The following CD99 variants were observed in gnomAD, a reference collection of about 807,000 sequenced individuals.
CD99 encodes the protein CD99 molecule (Xg blood group).
A neutral mutation model predicts 28.4 loss-of-function variants in CD99; 19 were observed. The ratio of observed to expected loss-of-function variants is 0.67; its 90% CI spans 0.47 to 0.98. CD99 has a LOEUF of 0.98. Ranked by LOEUF, CD99 falls within the 50% of genes least tolerant of loss-of-function variation. The probability of loss-of-function intolerance (pLI) is 0.00; values close to 1 mark genes in which losing one functional copy is unlikely to be tolerated. For synonymous variants in CD99, 103 were observed against 92.1 expected, an observed-to-expected ratio of 1.12 and a Z score of -0.67; for missense variants, 283 against 248.8, an observed-to-expected ratio of 1.14 and a Z score of -0.92.
At chrX:2,729,350 A>G (rs889787236) in intron 8 of CD99, among the ~76,000 whole-genome samples, 3 of 152,192 alleles carry the variant, frequency 2.0e-5, no homozygotes, top group East Asian at 1.9e-4. Context: ...TCACACTGCT[A>G]TGAAGAACTG....
At chrX:2,696,822 G>C (rs920494864) in intron 1 of CD99, among the ~76,000 whole-genome samples, 5 of 152,080 alleles carry the variant, frequency 3.3e-5, no homozygotes, top group Non-Finnish European at 5.9e-5. Context: ...ATTCTTTCTT[G>C]GCTTGGTTCC....
At chrX:2,721,986 C>G (rs1023643940) in intron 5 of CD99, among the ~76,000 whole-genome samples, 2 of 151,656 alleles carry the variant, frequency 1.3e-5, no homozygotes, top group Non-Finnish European at 2.9e-5. Flanking sequence ...AGATTTTTAC[C>G]AATTTATTTT....
At chrX:2,699,647 G>C (rs1342361122) in intron 1 of CD99, among the ~76,000 whole-genome samples, 1 of 152,016 alleles carries the variant, frequency 6.6e-6, no homozygotes, top group Non-Finnish European at 1.5e-5. Context: ...TGTAGAGACA[G>C]GGTCTCCCTA....
At position 2,722,685 on chromosome X, in the gene CD99, C is replaced by T. The variant is rs1485689845; in HGVS notation, c.310+11C>T. On this transcript the variant is annotated intron_variant, in intron 6 of 9. Coordinates refer to ENST00000381192, the MANE Select transcript of CD99 (RefSeq NM_002414.5). The stretch of plus-strand genomic sequence containing the variant: ...TTTCAGGTGGAGAAGGTACAGTTAT[C>T]TTGTTTTCTGTCTCTTTTCTCTCTC... 4 of 1,613,674 alleles carry T rather than the reference C, an allele frequency of 2.5e-6. No individual in the cohort carries two copies. Among genetic ancestry groups the T allele is most frequent in the African/African-American group, 1.3e-5 (1 of 74,918 alleles).
chrX:2,697,858 G>C (rs2047648669), intron 1 of CD99, among the ~76,000 whole-genome samples: 1 of 151,978 alleles, frequency 6.6e-6, no homozygotes, highest in Non-Finnish European at 1.5e-5. Context: ...AACACTCGGA[G>C]AGAAGTGTTA....
intron 1 of CD99, among the ~76,000 whole-genome samples, chrX:2,714,165 C>T (rs1421103975): frequency 4.6e-5 from 7 of 152,068 alleles, no homozygotes; most frequent in Non-Finnish European, 1.0e-4. Context: ...ACAAAATGAT[C>T]GTGTTTTTAC....
intron 8 of CD99, among the ~76,000 whole-genome samples, chrX:2,731,744 G>A (rs1427408785): frequency 6.6e-6 from 1 of 152,106 alleles, no homozygotes; most frequent in African/African-American, 2.4e-5. Flanking sequence ...AGTAGACATA[G>A]GTGAGTCTTC....
intron 5 of CD99, among the ~76,000 whole-genome samples, chrX:2,721,753 T>C (rs1489310136): frequency 6.6e-6 from 1 of 152,254 alleles, no homozygotes; most frequent in African/African-American, 2.4e-5. Context: ...AATCATGTAC[T>C]ATTACATACT....
chrX:2,732,247 G>A (rs2049655138), intron 8 of CD99, among the ~76,000 whole-genome samples: 1 of 152,008 alleles, frequency 6.6e-6, no homozygotes, highest in Non-Finnish European at 1.5e-5. Context: ...CTTCGCGGGG[G>A]ACCTGGCTCA....
intron 8 of CD99, among the ~76,000 whole-genome samples, chrX:2,736,091 ACT>A (rs2049920143): frequency 6.6e-6 from 1 of 151,486 alleles, no homozygotes; most frequent in South Asian, 2.1e-4. Flanking sequence ...AGTCCCAGCT[ACT>A]CGGGAGGCTG....
At chrX:2,721,528 T>G (rs1255395425) in intron 5 of CD99, among the ~76,000 whole-genome samples, 1 of 152,140 alleles carries the variant, frequency 6.6e-6, no homozygotes, top group African/African-American at 2.4e-5. Flanking sequence ...ACTCCTGGCC[T>G]CAAGCAGTCC....
At position 2,726,358 on chromosome X, in the gene CD99, T is replaced by C. The variant is rs778283322; in HGVS notation, c.460T>C (p.Cys154Arg). 1 of 1,606,564 alleles carries C rather than the reference T, an allele frequency of 6.2e-7. No homozygotes were observed. The highest frequency in any genetic ancestry group is 8.5e-7 in the Non-Finnish European group (1 of 1,174,256). Residue 154 changes from cysteine to arginine, a missense_variant, in exon 8 of 10, where the codon TGC (cysteine) becomes CGC (arginine). By Grantham distance (180) the Cys-to-Arg change is radical. Coordinates refer to ENST00000381192, the MANE Select transcript of CD99 (RefSeq NM_002414.5). ...CATTGCTTACCAGAAAAAGAAGCTATGCTTCAAAGAAAATGGTAAGTCTCA... is the reference window on the plus strand; with the variant it reads ...CATTGCTTACCAGAAAAAGAAGCTACGCTTCAAAGAAAATGGTAAGTCTCA... Reference protein sequence around the residue: ...SFIAYQKKKLCFKENAEQGEV... With the variant: ...SFIAYQKKKLRFKENAEQGEV...
At chrX:2,721,221 A>G (rs754535936) in intron 5 of CD99, among the ~76,000 whole-genome samples, 18 of 152,132 alleles carry the variant, frequency 1.2e-4, no homozygotes, top group African/African-American at 3.6e-4. Flanking sequence ...ACACAGAAGA[A>G]TATTAATGAT....
chrX:2,712,441 A>G (rs1465494726), intron 1 of CD99, among the ~76,000 whole-genome samples: 2 of 152,156 alleles, frequency 1.3e-5, no homozygotes, highest in Non-Finnish European at 2.9e-5. Flanking sequence ...TACTTCAAAA[A>G]ATACAATTAC....
chrX:2,701,484 C>T lies in CD99; in HGVS notation c.67+10057C>T, dbSNP rs2047860433. On this transcript the variant is annotated intron_variant, in intron 1 of 9. Coordinates refer to ENST00000381192, the MANE Select transcript of CD99 (RefSeq NM_002414.5). ...CTGGAGGCACAGAGCAGGGACTACACTTGTTCAGGGGGTCAGAGAGAGTTC... is the reference window on the plus strand; with the variant it reads ...CTGGAGGCACAGAGCAGGGACTACATTTGTTCAGGGGGTCAGAGAGAGTTC... 3.3e-5 allele frequency among the ~76,000 whole-genome samples: 5 copies of T among 152,368 alleles called. No homozygotes were observed. In the South Asian group the frequency reaches 8.3e-4, roughly 25 times the overall value.
intron 6 of CD99, 66 bp from the exon 7 acceptor site, chrX:2,723,248 G>A (rs2049091782): frequency 7.8e-6 from 12 of 1,541,202 alleles, no homozygotes; most frequent in Middle Eastern, 1.7e-4. Context: ...CCTCTTCACG[G>A]TCCTGGCTGT....
At chrX:2,698,217 C>T (rs5982831) in intron 1 of CD99, among the ~76,000 whole-genome samples, 7,542 of 149,654 alleles carry the variant, frequency 0.05, 661 homozygotes, top group African/African-American at 0.18. Flanking sequence ...TTGCCCAGGC[C>T]GGAGTGCAGT....
At chrX:2,736,595 G>T (rs752484441) in intron 8 of CD99, among the ~76,000 whole-genome samples, 9 of 151,654 alleles carry the variant, frequency 5.9e-5, no homozygotes, top group Admixed American at 2.6e-4. Flanking sequence ...TGGTGGCTCA[G>T]GCCTGTAATC....
At chrX:2,720,608 A>G (rs866074126) in intron 5 of CD99, among the ~76,000 whole-genome samples, 184 bp downstream of exon 5, 2 of 99,786 alleles carry the variant, frequency 2.0e-5, no homozygotes, top group African/African-American at 7.4e-5. Flanking sequence ...CTTGGATTTT[A>G]TTTTTAGTTT....
Sources: allele counts gnomAD v4.1 joint callset (sites outside exome capture counted in the v4.1 genomes callset), GRCh38; gene constraint gnomAD v4.1.1; transcripts MANE v1.5; gene names NCBI Gene and HGNC (gene_info 2026-07-23, HGNC 2026-07-21).